RP2: variants seen among roughly 807,000 people sequenced by gnomAD.
RP2 encodes the protein protein XRP2.
Under a neutral mutation model 20.3 loss-of-function variants are expected in RP2, and 3 were observed. The ratio of observed to expected loss-of-function variants is 0.15; its 90% CI spans 0.07 to 0.38. The LOEUF is 0.38. Among genes scored for constraint, RP2 ranks in the 10% least tolerant of loss-of-function variants. The pLI, the probability that RP2 is intolerant of heterozygous loss-of-function variation, is 1.00. For missense variants in RP2, 233 were observed against 268.5 expected, an observed-to-expected ratio of 0.87 and a Z score of 0.92; for synonymous variants, 75 against 94.8, an observed-to-expected ratio of 0.79 and a Z score of 1.22.
At chrX:46,878,835 C>T (rs1284136850) in intron 4 of RP2, among the ~76,000 whole-genome samples, 3 of 110,636 alleles carry the variant, frequency 2.7e-5, no homozygotes, top group Non-Finnish European at 3.8e-5. Context: ...TAGAATAGAA[C>T]CCACATCTGC....
Position 46,867,520 on chromosome X carries a change from A to G in RP2, c.883+7418A>G, listed in dbSNP as rs1301020819. On this transcript the variant is annotated intron_variant, in intron 3 of 4. Transcript: ENST00000218340. The stretch of plus-strand genomic sequence containing the variant: ...TTTGCCAATTATGAATAAAGCCAGT[A>G]TAAACATTTGTGTGTAAGTTTTTTT... Among the ~76,000 whole-genome samples the G allele has an allele frequency of 3.5e-5, 4 of 112,821 alleles. No individual in the cohort carries two copies. In the East Asian group the frequency reaches 1.1e-3, roughly 31 times the overall value.
chrX:46,857,829 G>A (rs1924992335), intron 2 of RP2, among the ~76,000 whole-genome samples: 1 of 112,048 alleles, frequency 8.9e-6, no homozygotes, highest in Admixed American at 9.5e-5. Flanking sequence ...ATCAGTTTGT[G>A]TTTATAAAAT....
chrX:46,877,062 T>C (rs1389681867), intron 3 of RP2, among the ~76,000 whole-genome samples: 1 of 112,583 alleles, frequency 8.9e-6, no homozygotes, highest in Non-Finnish European at 1.9e-5. Flanking sequence ...GCTTCATTAT[T>C]GGTGGCCTAG....
rs1188988760 is a variant in RP2, at chrX:46,881,226, C to T, written c.*1457C>T. The T allele has an allele frequency of 4.5e-5, 5 of 111,061 alleles. No homozygotes were observed. The highest frequency in any genetic ancestry group is 9.7e-5 in the Admixed American group (1 of 10,288). The allele number at this position is 111,061 out of a possible 1,213,427, so 9.2% of individuals were successfully genotyped here. A position where few individuals can be genotyped will look rare whatever the true frequency, so the allele number is the denominator to read the frequency against. On this transcript the variant is annotated 3_prime_UTR_variant, in exon 5 of 5. Coordinates refer to ENST00000218340, the MANE Select transcript of RP2 (RefSeq NM_006915.3). ...CTTTAAATTAATTAGTAATATTGAG[C>T]GCTCACCCTGTGCGTGGCCTTGTGC...
At chrX:46,837,271 G>A (rs1233944941) in intron 1 of RP2, 69 bp downstream of exon 1, 3 of 1,029,598 alleles carry the variant, frequency 2.9e-6, no homozygotes, top group Non-Finnish European at 4.0e-6. Flanking sequence ...TACGGCCCGG[G>A]ACCGCTGAGG....
rs782510911 is a variant in RP2 at position 46,879,918 on chromosome X, C to G, written c.*149C>G. On this transcript the variant is annotated 3_prime_UTR_variant, in exon 5 of 5. Transcript: ENST00000218340. ...TTTAATAAATTGTTGAGTATTACAT[C>G]ATTTACTTGAGGTTCAAAAATAATT... is the stretch of plus-strand genomic sequence containing the variant. The G allele has an allele frequency of 2.8e-6, 1 of 354,040 alleles. No individual in the cohort carries two copies. Among genetic ancestry groups the G allele is most frequent in the East Asian group, 4.4e-5 (1 of 22,684 alleles). The allele number at this position is 354,040 out of a possible 1,213,427, so 29.2% of individuals were successfully genotyped here.
chrX:46,859,968 A>G lies in RP2; in HGVS notation c.769-20A>G, dbSNP rs906626842. Reference sequence around the variant, plus strand: ...CTCAGAAGTTCATTTTAAAATCTCAATGAAATTTTATTTTCACAGATGGTT... The same window carrying G: ...CTCAGAAGTTCATTTTAAAATCTCAGTGAAATTTTATTTTCACAGATGGTT... On this transcript the variant is annotated intron_variant, in intron 2 of 4. Transcript: ENST00000218340. 4.6e-6 allele frequency: 5 copies of G among 1,083,362 alleles called. No homozygotes were observed. The highest frequency in any genetic ancestry group is 3.7e-5 in the South Asian group (2 of 53,367). The allele number at this position is 1,083,362 out of a possible 1,213,427, so 89.3% of individuals were successfully genotyped here.
intron 1 of RP2, among the ~76,000 whole-genome samples, chrX:46,843,208 C>T (rs959996060): frequency 9.1e-6 from 1 of 110,192 alleles, no homozygotes; most frequent in Non-Finnish European, 1.9e-5. Flanking sequence ...GGGGTTTCAC[C>T]ATGTTAGCCA....
At chrX:46,861,391 G>A (rs1207767501) in intron 3 of RP2, among the ~76,000 whole-genome samples, 1 of 111,983 alleles carries the variant, frequency 8.9e-6, no homozygotes, top group Non-Finnish European at 1.9e-5. Context: ...ATAAGCAGAT[G>A]TTGCAGGAAT....
intron 4 of RP2, among the ~76,000 whole-genome samples, chrX:46,878,996 G>A (rs782690685): frequency 2.2e-4 from 23 of 103,355 alleles, no homozygotes; most frequent in Admixed American, 6.5e-4. Context: ...AGGCTGAAGC[G>A]GGAAGACTGC....
At chrX:46,879,537 A>C (rs1556328340) in intron 4 of RP2, 149 bp from the exon 5 acceptor site, 6 of 414,703 alleles carry the variant, frequency 1.4e-5, no homozygotes, top group Non-Finnish European at 2.5e-5. Flanking sequence ...TCTAAAGAAA[A>C]TCTACAGATT....
chrX:46,859,134 G>A (rs1259444759), intron 2 of RP2, among the ~76,000 whole-genome samples: 1 of 111,331 alleles, frequency 9.0e-6, no homozygotes, highest in Non-Finnish European at 1.9e-5. Context: ...TGCTCCATAA[G>A]TGTGATCTAC....
chrX:46,870,847 T>C (rs1423660280), intron 3 of RP2, among the ~76,000 whole-genome samples: 2 of 111,234 alleles, frequency 1.8e-5, no homozygotes, highest in Non-Finnish European at 3.8e-5. Context: ...ATAATGAGGA[T>C]TGACTATATC....
At chrX:46,865,798 C>T (rs782174094) in intron 3 of RP2, among the ~76,000 whole-genome samples, 1 of 110,627 alleles carries the variant, frequency 9.0e-6, no homozygotes, top group East Asian at 2.9e-4. Flanking sequence ...TGTGGTGGCG[C>T]ATGCCTGTAG....
chrX:46,876,049 C>T (rs1236859990), intron 3 of RP2, among the ~76,000 whole-genome samples: 1 of 111,417 alleles, frequency 9.0e-6, no homozygotes, highest in Non-Finnish European at 1.9e-5. Flanking sequence ...GAACTCCTGG[C>T]CAGGGCTGAA....
intron 3 of RP2, among the ~76,000 whole-genome samples, chrX:46,868,713 C>G (rs897993991): frequency 8.7e-5 from 9 of 102,866 alleles, no homozygotes; most frequent in African/African-American, 3.3e-4. Context: ...TTGAGCCCGG[C>G]AGGTGGAGGT....
chrX:46,849,632 G>A (rs782555391), intron 1 of RP2, among the ~76,000 whole-genome samples: 1 of 111,891 alleles, frequency 8.9e-6, no homozygotes, highest in Non-Finnish European at 1.9e-5. Flanking sequence ...TTGGAAGGCC[G>A]TGCTGACAAT....
chrX:46,838,440 C>G (rs1175886483), intron 1 of RP2, among the ~76,000 whole-genome samples: 1 of 112,436 alleles, frequency 8.9e-6, no homozygotes, highest in East Asian at 2.8e-4. Context: ...AAGATTGCAC[C>G]TGCCATTTAA....
intron 1 of RP2, among the ~76,000 whole-genome samples, chrX:46,843,837 G>A (rs1324473760): frequency 9.0e-6 from 1 of 110,798 alleles, no homozygotes; most frequent in African/African-American, 3.3e-5. Flanking sequence ...AAGATACAGG[G>A]TAATTTTTGT....
Sources: gnomAD v4.1 joint callset for allele counts (sites outside exome capture counted in the v4.1 genomes callset) on GRCh38, gnomAD v4.1.1 for gene constraint, MANE v1.5 for transcripts, NCBI Gene and HGNC (gene_info 2026-07-23, HGNC 2026-07-21) for gene names.